Variants in ARMC3 observed in about 807,000 individuals in gnomAD.
The protein encoded by ARMC3 is armadillo repeat-containing protein 3.
ARMC3 carries 74 observed loss-of-function variants against 90.3 expected under a neutral mutation model. That is an observed-to-expected ratio of 0.82 (90% CI 0.68 to 0.99). The LOEUF (loss-of-function observed/expected upper bound fraction) is 0.99. Among genes scored for constraint, ARMC3 ranks in the 50% least tolerant of loss-of-function variants. The pLI is 0.00. For synonymous variants in ARMC3, 334 were observed against 361.8 expected, an observed-to-expected ratio of 0.92 and a Z score of 0.87; for missense variants, 958 against 1,042.8, an observed-to-expected ratio of 0.92 and a Z score of 1.12.
At chr10:23,021,856 T>C (rs1838527422) in intron 16 of ARMC3, among the ~76,000 whole-genome samples, 1 of 152,178 alleles carries the variant, frequency 6.6e-6, no homozygotes, top group Non-Finnish European at 1.5e-5. Flanking sequence ...ATTCTTTGTC[T>C]TATATATGAG....
At chr10:23,007,871 A>T (rs1035314171) in intron 14 of ARMC3, among the ~76,000 whole-genome samples, 3 of 152,174 alleles carry the variant, frequency 2.0e-5, no homozygotes, top group Admixed American at 1.3e-4. Flanking sequence ...TGTGAGGTTG[A>T]TGCAGGAGGA....
chr10:22,993,464 A>C lies in ARMC3; in HGVS notation c.1176-4684A>C, dbSNP rs369290997. On this transcript the variant is annotated intron_variant, in intron 10 of 18. Transcript: ENST00000298032. ...GCAGCTGTAAGTGATAAAACTGGAAATCGCAGTGTTGCTGGATCCTATCCC... is the reference window on the plus strand; with the variant it reads ...GCAGCTGTAAGTGATAAAACTGGAACTCGCAGTGTTGCTGGATCCTATCCC... Among the ~76,000 whole-genome samples the C allele has an allele frequency of 6.6e-5, 10 of 152,348 alleles. 1 individual carries two copies. The East Asian group carries it at 1.7e-3, about 26-fold the overall frequency.
chr10:23,030,816 A>T lies in ARMC3; in HGVS notation c.2246+20A>T, dbSNP rs750074703. On this transcript the variant is annotated intron_variant, in intron 17 of 18. Coordinates refer to ENST00000298032, the MANE Select transcript of ARMC3 (RefSeq NM_173081.5). ...GGCAAAGTAAGTTGTCTATGTATAT[A>T]TGTGTTTTTAATTTCTGAAAAAATT... is the stretch of plus-strand genomic sequence containing the variant. 1 of 1,603,622 alleles carries T rather than the reference A, an allele frequency of 6.2e-7. No homozygotes were observed. The highest frequency in any genetic ancestry group is 8.5e-7 in the Non-Finnish European group (1 of 1,175,236).
chr10:22,977,072 A>G (rs1488837789), intron 8 of ARMC3, among the ~76,000 whole-genome samples: 1 of 152,054 alleles, frequency 6.6e-6, no homozygotes, highest in Non-Finnish European at 1.5e-5. Flanking sequence ...CCATAATTTT[A>G]TACTCATTTG....
At chr10:23,008,203 G>C (rs1190478979) in intron 14 of ARMC3, 73 bp from the exon 15 acceptor site, 2 of 776,450 alleles carry the variant, frequency 2.6e-6, no homozygotes, top group Non-Finnish European at 4.0e-6. Context: ...AAAAAAATCT[G>C]TTTCGTGGAA....
rs1340275996 is a variant in ARMC3, at chr10:22,968,301, A to G, written c.733-5A>G. ...TTCTAAAGTTGTATTTGCTTTTATT[A>G]TTAGGAATTGAATGACCTTCATATA... On this transcript the variant is annotated splice_region_variant and splice_polypyrimidine_tract_variant and intron_variant, in intron 7 of 18. Transcript: ENST00000298032. 6 of 1,612,124 alleles carry G rather than the reference A, an allele frequency of 3.7e-6. No homozygotes were observed. Among genetic ancestry groups the G allele is most frequent in the Non-Finnish European group, 5.1e-6 (6 of 1,178,536 alleles).
intron 16 of ARMC3, chr10:23,014,365 G>A (rs1838170025): frequency 1.5e-6 from 2 of 1,305,788 alleles, no homozygotes; most frequent in Non-Finnish European, 2.0e-6. Flanking sequence ...CCATTGAGGG[G>A]TAGATTAGCC....
At chr10:23,015,065 GA>G (rs1250660476) in intron 16 of ARMC3, among the ~76,000 whole-genome samples, 5 of 152,032 alleles carry the variant, frequency 3.3e-5, no homozygotes. Context: ...GAGAACCATG[GA>G]GTGCTACATT....
intron 7 of ARMC3, among the ~76,000 whole-genome samples, chr10:22,964,271 A>G (rs1350490586): frequency 2.6e-5 from 4 of 152,162 alleles, no homozygotes; most frequent in Non-Finnish European, 5.9e-5. Flanking sequence ...GAGATAATAT[A>G]TGTATATGGA....
At chr10:22,942,037 A>G (rs1448338364) in intron 2 of ARMC3, among the ~76,000 whole-genome samples, 1 of 152,244 alleles carries the variant, frequency 6.6e-6, no homozygotes, top group East Asian at 1.9e-4. Flanking sequence ...GAGAAGATTC[A>G]TCTGATGAAA....
At chr10:22,979,223 A>G (rs1306150463) in intron 8 of ARMC3, among the ~76,000 whole-genome samples, 1 of 152,234 alleles carries the variant, frequency 6.6e-6, no homozygotes, top group Non-Finnish European at 1.5e-5. Context: ...TTTAAAGGAC[A>G]TTATGCTATT....
intron 16 of ARMC3, among the ~76,000 whole-genome samples, chr10:23,024,393 C>T (rs35430108): frequency 0.051 from 6,771 of 133,522 alleles, 182 homozygotes; most frequent in South Asian, 0.082. Context: ...AGGAATGCCA[C>T]ATAGATAGAT....
In ARMC3 at chr10:22,955,831, T is replaced by C. The variant is rs1205047375; in HGVS notation, c.191T>C (p.Leu64Pro). The C allele has an allele frequency of 1.2e-5, 20 of 1,614,034 alleles. No homozygotes were observed. The highest frequency in any genetic ancestry group is 1.6e-5 in the Non-Finnish European group (19 of 1,179,976). Reference protein sequence around the residue: ...LKGEENKTTLLELGAVEPLTK... With the variant: ...LKGEENKTTLPELGAVEPLTK... ...GGTGAGGAAAATAAAACAACCCTCC[T>C]TGAACTTGGAGCTGTGGAACCTTTA... Residue 64 changes from leucine (L) to proline (P), a missense_variant, in exon 4 of 19, where the codon CTT (leucine) becomes CCT (proline). Leu to Pro is a moderately conservative substitution (Grantham distance 98). Coordinates refer to ENST00000298032, the MANE Select transcript of ARMC3 (RefSeq NM_173081.5).
chr10:22,944,282 A>G (rs1834438274), intron 2 of ARMC3, among the ~76,000 whole-genome samples: 6 of 152,132 alleles, frequency 3.9e-5, no homozygotes. Flanking sequence ...ATTATTCAAT[A>G]TTATTTCTGC....
At chr10:23,030,819 T>C in intron 17 of ARMC3, 23 bp downstream of exon 17, 1 of 1,600,252 alleles carries the variant, frequency 6.2e-7, no homozygotes, top group South Asian at 1.1e-5. Context: ...TGTATATATG[T>C]GTTTTTAATT....
intron 16 of ARMC3, among the ~76,000 whole-genome samples, chr10:23,030,051 G>A (rs531583395): frequency 6.6e-6 from 1 of 152,246 alleles, no homozygotes; most frequent in African/African-American, 2.4e-5. Flanking sequence ...CAGACACCTT[G>A]CTAGGCAATT....
chr10:23,008,999 A>G (rs1564392393), intron 16 of ARMC3, 68 bp downstream of exon 16: 2 of 1,307,568 alleles, frequency 1.5e-6, no homozygotes, highest in South Asian at 2.6e-5. Context: ...GCTCTTCAGT[A>G]GGAAGCTTTC....
intron 10 of ARMC3, among the ~76,000 whole-genome samples, chr10:22,982,638 T>G (rs1358437367): frequency 6.6e-6 from 1 of 152,226 alleles, no homozygotes; most frequent in Admixed American, 6.5e-5. Context: ...CTGTGTTCTT[T>G]CCTCTACAGG....
Position 23,034,673 on chromosome 10 carries a change from C to T in ARMC3, c.2409+1650C>T, listed in dbSNP as rs887202301. ...ACTCACGGCCATCTGGCTTTCGCTC[C>T]CACTCTCTCAATAAGGACGTTAGTG... On this transcript the variant is annotated intron_variant, in intron 18 of 18. Transcript: ENST00000298032. 2.0e-5 allele frequency among the ~76,000 whole-genome samples: 3 copies of T among 152,118 alleles called. 1 individual carries two copies. Among genetic ancestry groups the T allele is most frequent in the African/African-American group, 7.2e-5 (3 of 41,406 alleles).
Sources: allele counts gnomAD v4.1 joint callset (sites outside exome capture counted in the v4.1 genomes callset), GRCh38; gene constraint gnomAD v4.1.1; transcripts MANE v1.5; gene names NCBI Gene and HGNC (gene_info 2026-07-23, HGNC 2026-07-21).